The following BBS9 variants were observed in gnomAD, a reference collection of about 807,000 sequenced individuals.
BBS9 encodes Bardet-Biedl syndrome 9, also known as protein PTHB1.
A neutral mutation model predicts 117.7 loss-of-function variants in BBS9; 89 were observed. The ratio of observed to expected loss-of-function variants is 0.76; its 90% CI spans 0.64 to 0.90. The LOEUF (loss-of-function observed/expected upper bound fraction) is 0.90. Ranked by LOEUF, BBS9 falls within the 40% of genes least tolerant of loss-of-function variation. The pLI, the probability that BBS9 is intolerant of heterozygous loss-of-function variation, is 0.00. For synonymous variants in BBS9, 379 were observed against 370.9 expected, an observed-to-expected ratio of 1.02 and a Z score of -0.25; for missense variants, 982 against 1,042.2, an observed-to-expected ratio of 0.94 and a Z score of 0.80.
At chr7:33,449,206 G>A (rs1214734186) in intron 19 of BBS9, among the ~76,000 whole-genome samples, 2 of 152,122 alleles carry the variant, frequency 1.3e-5, no homozygotes, top group Admixed American at 1.3e-4. Context: ...CTTTAGCTGG[G>A]GTGTCAGCCC....
chr7:33,247,008 T>G (rs1445864156), intron 5 of BBS9, among the ~76,000 whole-genome samples: 2 of 152,062 alleles, frequency 1.3e-5, no homozygotes, highest in African/African-American at 4.8e-5. Flanking sequence ...CCGAGAGACT[T>G]CTCATATTTT....
chr7:33,478,879 T>G (rs1037840710), intron 19 of BBS9, among the ~76,000 whole-genome samples: 17 of 147,542 alleles, frequency 1.2e-4, no homozygotes, highest in East Asian at 5.9e-4. Flanking sequence ...TAGTGGGTTT[T>G]TTTTTTTTTT....
chr7:33,321,796 A>G (rs746455732), intron 9 of BBS9, among the ~76,000 whole-genome samples: 1 of 152,040 alleles, frequency 6.6e-6, no homozygotes, highest in Non-Finnish European at 1.5e-5. Flanking sequence ...GTCATGTTCC[A>G]GATCTTAGAG....
intron 18 of BBS9, among the ~76,000 whole-genome samples, chr7:33,384,190 G>T (rs1346380550): frequency 6.6e-6 from 1 of 152,186 alleles, no homozygotes; most frequent in African/African-American, 2.4e-5. Context: ...CCATAAATGA[G>T]GTGTGATTAT....
intron 5 of BBS9, among the ~76,000 whole-genome samples, chr7:33,225,678 A>G (rs1273434045): frequency 2.1e-5 from 3 of 144,918 alleles, no homozygotes; most frequent in African/African-American, 7.6e-5. Flanking sequence ...GGAATCAGCC[A>G]CTTCTTTAAG....
At chr7:33,620,793 CA>C (rs1166374728) in intron 21 of BBS9, among the ~76,000 whole-genome samples, 1 of 152,072 alleles carries the variant, frequency 6.6e-6, no homozygotes, top group African/African-American at 2.4e-5. Flanking sequence ...CAGTCCTGAG[CA>C]AAAAGATCAA....
At chr7:33,597,272 C>T (rs1863006050) in intron 21 of BBS9, among the ~76,000 whole-genome samples, 3 of 152,016 alleles carry the variant, frequency 2.0e-5, no homozygotes, top group African/African-American at 7.2e-5. Flanking sequence ...CTTTATTCAT[C>T]AAGTAAATCT....
chr7:33,606,435 A>G (rs1864571322), downstream of BBS9, among the ~76,000 whole-genome samples: 2 of 152,108 alleles, frequency 1.3e-5, no homozygotes, highest in Admixed American at 1.3e-4. Context: ...CATTATTTTT[A>G]TGTTTTAGCA....
chr7:33,381,658 T>A (rs1825060500), intron 17 of BBS9, among the ~76,000 whole-genome samples: 1 of 152,164 alleles, frequency 6.6e-6, no homozygotes, highest in Non-Finnish European at 1.5e-5. Context: ...GCATTTATTT[T>A]AAAAAGTATT....
chr7:33,306,367 T>C (rs1258499465), intron 9 of BBS9, among the ~76,000 whole-genome samples: 1 of 152,086 alleles, frequency 6.6e-6, no homozygotes, highest in African/African-American at 2.4e-5. Flanking sequence ...CTGAAGGTTT[T>C]TTCCTTCCAT....
At chr7:33,533,850 C>A in intron 20 of BBS9, 104 bp from the exon 21 acceptor site, 1 of 1,329,934 alleles carries the variant, frequency 7.5e-7, no homozygotes, top group Admixed American at 1.7e-5. Context: ...TTCACAGGTT[C>A]CCAACACTTG....
intron 21 of BBS9, among the ~76,000 whole-genome samples, chr7:33,568,850 A>G (rs577326645): frequency 1.3e-5 from 2 of 152,348 alleles, no homozygotes; most frequent in East Asian, 3.9e-4. Flanking sequence ...TTAAAGCAGG[A>G]TAAATCAGAA....
intron 21 of BBS9, among the ~76,000 whole-genome samples, chr7:33,586,210 C>A (rs943358572): frequency 6.6e-6 from 1 of 151,860 alleles, no homozygotes; most frequent in Non-Finnish European, 1.5e-5. Flanking sequence ...AACCAAATAA[C>A]CTCATTAAAA....
chr7:33,611,896 A>G (rs1864898641), intron 21 of BBS9, among the ~76,000 whole-genome samples: 1 of 147,182 alleles, frequency 6.8e-6, no homozygotes, highest in Non-Finnish European at 1.5e-5. Context: ...TAAAGGATAA[A>G]ATATATCCTT....
At chr7:33,307,101 A>G (rs1331656483) in intron 9 of BBS9, among the ~76,000 whole-genome samples, 1 of 152,212 alleles carries the variant, frequency 6.6e-6, no homozygotes, top group African/African-American at 2.4e-5. Flanking sequence ...TAAATGCAAT[A>G]TAGCATTCTT....
chr7:33,392,784 A>G (rs994879598), intron 19 of BBS9, among the ~76,000 whole-genome samples: 4 of 152,204 alleles, frequency 2.6e-5, no homozygotes, highest in Non-Finnish European at 5.9e-5. Context: ...TGTCATTAAA[A>G]TCTTATTCAC....
intron 19 of BBS9, among the ~76,000 whole-genome samples, chr7:33,405,303 C>T (rs1829721455): frequency 6.6e-6 from 1 of 152,060 alleles, no homozygotes; most frequent in Non-Finnish European, 1.5e-5. Flanking sequence ...GTCTAAAATT[C>T]TCTTTTTTGG....
chr7:33,244,249 A>T (rs1794993009), intron 5 of BBS9, among the ~76,000 whole-genome samples: 2 of 152,206 alleles, frequency 1.3e-5, no homozygotes, highest in South Asian at 4.1e-4. Context: ...ACAAACAAAT[A>T]AACAAACAAA....
rs1433683899 is a variant in BBS9, at chr7:33,604,957, G to A, written c.2614G>A (p.Ala872Thr). ...GTTTACCAACCACAGACATCTCACT[G>A]CAGAGACACCCAGGCCTGGTAAGAG... is the stretch of plus-strand genomic sequence containing the variant. ...ELFTNHRHLT[A>T]ETPRPEVSPL... Residue 872 changes from alanine to threonine, a missense_variant, in exon 22 of 23, where the codon GCA becomes ACA. Transcript: ENST00000242067. The A allele has an allele frequency of 6.2e-7, 1 of 1,611,260 alleles. No homozygotes were observed. Among genetic ancestry groups the A allele is most frequent in the Non-Finnish European group, 8.5e-7 (1 of 1,177,506 alleles).
Sources: gnomAD v4.1 joint callset for allele counts (sites outside exome capture counted in the v4.1 genomes callset) on GRCh38, gnomAD v4.1.1 for gene constraint, MANE v1.5 for transcripts, NCBI Gene and HGNC (gene_info 2026-07-23, HGNC 2026-07-21) for gene names.